USO1: variants seen among roughly 807,000 people sequenced by gnomAD.
USO1 encodes USO1 vesicle transport factor, also known as general vesicular transport factor p115.
USO1 carries 57 observed loss-of-function variants against 124.5 expected under a neutral mutation model. That is an observed-to-expected ratio of 0.46 (90% CI 0.37 to 0.57). The LOEUF (loss-of-function observed/expected upper bound fraction) is 0.57. Among genes scored for constraint, USO1 ranks in the 20% least tolerant of loss-of-function variants. The probability of loss-of-function intolerance (pLI) is 0.00; values close to 1 mark genes in which losing one functional copy is unlikely to be tolerated. For synonymous variants in USO1, 369 were observed against 362.8 expected, an observed-to-expected ratio of 1.02 and a Z score of -0.19; for missense variants, 900 against 1,040.6, an observed-to-expected ratio of 0.86 and a Z score of 1.86.
intron 8 of USO1, among the ~76,000 whole-genome samples, chr4:75,779,513 G>A (rs1305763887): frequency 6.6e-6 from 1 of 152,200 alleles, no homozygotes; most frequent in African/African-American, 2.4e-5. Flanking sequence ...CAGCCTTATT[G>A]CTGATATAGA....
At chr4:75,759,320 G>A (rs1199380809) in intron 4 of USO1, among the ~76,000 whole-genome samples, 10 of 137,648 alleles carry the variant, frequency 7.3e-5, no homozygotes, top group African/African-American at 1.1e-4. Context: ...TGGGCTGGGC[G>A]CGGTGGCTCG....
chr4:75,800,037 A>G (rs1037663210), intron 14 of USO1, among the ~76,000 whole-genome samples: 2 of 150,740 alleles, frequency 1.3e-5, no homozygotes, highest in Non-Finnish European at 3.0e-5. Flanking sequence ...TCCGCCTCCC[A>G]GGTTCAAGCA....
At chr4:75,781,867 A>T (rs1399962387) in intron 8 of USO1, among the ~76,000 whole-genome samples, 2 of 152,238 alleles carry the variant, frequency 1.3e-5, no homozygotes, top group Non-Finnish European at 2.9e-5. Flanking sequence ...ATCCAGCATC[A>T]GTCAATATGT....
intron 1 of USO1, among the ~76,000 whole-genome samples, chr4:75,747,310 T>TCTGCC (rs1721153183): frequency 6.6e-6 from 1 of 152,190 alleles, no homozygotes; most frequent in Non-Finnish European, 1.5e-5. Context: ...AGGGTCTTGC[T>TCTGCC]CTGTCATCCA....
chr4:75,782,722 T>TA lies in USO1; in HGVS notation c.725dup (p.Asn242LysfsTer10). The TA allele has an allele frequency of 6.3e-7, 1 of 1,575,932 alleles. No homozygotes were observed. The highest frequency in any genetic ancestry group is 8.6e-7 in the Non-Finnish European group (1 of 1,160,352). ...TGTTTGATTTTGCTCCAAAACTTAT[T>TA]AAAAAACAACAACTCCAATCAAAAT... On this transcript the variant is annotated frameshift_variant, in exon 9 of 24. Coordinates refer to ENST00000514213, the MANE Select transcript of USO1 (RefSeq NM_003715.4). LOFTEE classifies it high-confidence loss of function.
rs1319355527 is a variant in USO1 at position 75,752,624 on chromosome 4, T to C, written c.218+20T>C. Reference sequence around the variant, plus strand: ...AGATCGGTAAGTCTCTGTTTAATGATTTTTTTCCCTAATTTTTCTTGAACT... The same window carrying C: ...AGATCGGTAAGTCTCTGTTTAATGACTTTTTTCCCTAATTTTTCTTGAACT... On this transcript the variant is annotated intron_variant, in intron 3 of 23. Coordinates refer to ENST00000514213, the MANE Select transcript of USO1 (RefSeq NM_003715.4). 2.5e-6 allele frequency: 1 copy of C among 398,236 alleles called. No homozygotes were observed. The highest frequency in any genetic ancestry group is 4.4e-6 in the Non-Finnish European group (1 of 225,874). The allele number at this position is 398,236 out of a possible 1,614,324, so 24.7% of individuals were successfully genotyped here.
chr4:75,743,878 G>A (rs573238338), intron 1 of USO1, among the ~76,000 whole-genome samples: 3 of 152,000 alleles, frequency 2.0e-5, no homozygotes, highest in African/African-American at 4.8e-5. Context: ...CTGGATTCAC[G>A]CCATTCTCCT....
At chr4:75,767,122 C>T (rs1721787251) in intron 4 of USO1, among the ~76,000 whole-genome samples, 1 of 152,148 alleles carries the variant, frequency 6.6e-6, no homozygotes, top group South Asian at 2.1e-4. Flanking sequence ...CAGTTTTCCT[C>T]CCCATCTCCC....
In USO1 at chr4:75,805,141, A is replaced by G. The variant is rs200926337; in HGVS notation, c.2127A>G (p.Gly709=). 354 of 1,575,332 alleles carry G rather than the reference A, an allele frequency of 2.2e-4. No homozygotes were observed. In the Middle Eastern group the frequency reaches 6.5e-3, roughly 29 times the overall value. ...TAAAATGTTATGTCTGTCTAACAGG[A>G]AAAGACAATCAGCATCAAGGTTCTT... The part of the protein sequence containing the change: ...DQYNLLKIQL[G]KDNQHQGSYS... The change falls in exon 19 of 24, where the codon GGA becomes GGG. Residue 709 remains glycine (G), a splice_region_variant and synonymous_variant. Coordinates refer to ENST00000514213, the MANE Select transcript of USO1 (RefSeq NM_003715.4).
chr4:75,736,801 A>G lies in USO1; in HGVS notation c.66+11916A>G, dbSNP rs186584451. Among the ~76,000 whole-genome samples the G allele has an allele frequency of 5.3e-3, 813 of 152,346 alleles. 1 individual carries two copies. The highest frequency in any genetic ancestry group is 8.2e-3 in the Non-Finnish European group (556 of 68,028). ...AGAGCACCTAATACCTAGTTAGCAT[A>G]ATATAGATTAGTCAAACTGTCTCTT... On this transcript the variant is annotated intron_variant, in intron 1 of 23. Coordinates refer to ENST00000514213, the MANE Select transcript of USO1 (RefSeq NM_003715.4).
chr4:75,781,046 A>G (rs1187630141), intron 8 of USO1, among the ~76,000 whole-genome samples: 2 of 152,160 alleles, frequency 1.3e-5, no homozygotes, highest in Non-Finnish European at 2.9e-5. Flanking sequence ...AGTAAATTGA[A>G]AACTTTCTGG....
At chr4:75,756,977 A>G (rs1251803870) in intron 3 of USO1, among the ~76,000 whole-genome samples, 1 of 151,912 alleles carries the variant, frequency 6.6e-6, no homozygotes, top group East Asian at 1.9e-4. Flanking sequence ...ACATATGTAA[A>G]CATACACAGA....
chr4:75,735,172 T>G (rs1044187290), intron 1 of USO1, among the ~76,000 whole-genome samples: 19 of 151,946 alleles, frequency 1.3e-4, no homozygotes, highest in Middle Eastern at 3.4e-3. Flanking sequence ...GGTTTTGGGG[T>G]GTGTGTGTGT....
At chr4:75,730,167 A>G (rs575366456) in intron 1 of USO1, among the ~76,000 whole-genome samples, 18 of 152,320 alleles carry the variant, frequency 1.2e-4, no homozygotes, top group African/African-American at 4.1e-4. Context: ...TGAATACTAC[A>G]TGGCTTTTTG....
At chr4:75,809,072 C>A (rs1382834212) in intron 21 of USO1, 21 bp downstream of exon 21, 1 of 1,549,984 alleles carries the variant, frequency 6.5e-7, no homozygotes, top group South Asian at 1.2e-5. Context: ...TCTCTTTTTT[C>A]TCTGGAAGGT....
At chr4:75,753,838 C>G (rs1721355101) in intron 3 of USO1, among the ~76,000 whole-genome samples, 2 of 141,276 alleles carry the variant, frequency 1.4e-5, no homozygotes, top group African/African-American at 5.4e-5. Context: ...GGCTGGAGTG[C>G]AGTGGCATGA....
At chr4:75,805,026 A>C in intron 18 of USO1, 114 bp from the exon 19 acceptor site, 2 of 1,354,962 alleles carry the variant, frequency 1.5e-6, no homozygotes, top group Admixed American at 6.2e-5. Context: ...ATGTGATTGC[A>C]AAAGTGCTGC....
At chr4:75,763,163 A>G (rs1468663754) in intron 4 of USO1, among the ~76,000 whole-genome samples, 1 of 152,246 alleles carries the variant, frequency 6.6e-6, no homozygotes, top group Non-Finnish European at 1.5e-5. Flanking sequence ...AAGTACTACT[A>G]GAAATACATT....
Position 75,795,512 on chromosome 4 carries a change from G to T in USO1, c.1452+1611G>T, listed in dbSNP as rs549509848. Among the ~76,000 whole-genome samples, 5 of 151,974 alleles carry T rather than the reference G, an allele frequency of 3.3e-5. No individual in the cohort carries two copies. In the South Asian group the frequency reaches 1.0e-3, roughly 32 times the overall value. Reference sequence around the variant, plus strand: ...CAGCCAATTTATTTCTATTGTAAATGGCTCTCCAGTTTTTCTCCATGGGAT... The same window carrying T: ...CAGCCAATTTATTTCTATTGTAAATTGCTCTCCAGTTTTTCTCCATGGGAT... On this transcript the variant is annotated intron_variant, in intron 13 of 23. Coordinates refer to ENST00000514213, the MANE Select transcript of USO1 (RefSeq NM_003715.4).
Sources: gnomAD v4.1 joint callset for allele counts (sites outside exome capture counted in the v4.1 genomes callset) on GRCh38, gnomAD v4.1.1 for gene constraint, MANE v1.5 for transcripts, NCBI Gene and HGNC (gene_info 2026-07-23, HGNC 2026-07-21) for gene names.